RAB40B: variants seen among roughly 807,000 people sequenced by gnomAD.
RAB40B encodes ras-related protein Rab-40B.
RAB40B carries 21 observed loss-of-function variants against 24.0 expected under a neutral mutation model. The observed-to-expected ratio is 0.88, with a 90% CI of 0.62 to 1.26. RAB40B has a LOEUF of 1.26. RAB40B is among the 50% of genes most tolerant of loss of function. RAB40B has a pLI of 0.00. For missense variants in RAB40B, 348 were observed against 390.5 expected (o/e 0.89, Z 0.92); for synonymous variants, 167 against 169.8 (o/e 0.98, Z 0.13).
At chr17:82,664,892 C>T (rs905424757) in intron 1 of RAB40B, 1 of 246,296 alleles carries the variant, frequency 4.1e-6, no homozygotes, top group African/African-American at 2.3e-5. Context: ...TGGGTGTGCC[C>T]CCGTCTGGGC....
At chr17:82,661,983 A>C in intron 2 of RAB40B, 7 of 985,108 alleles carry the variant, frequency 7.1e-6, no homozygotes, top group Non-Finnish European at 8.4e-6. Flanking sequence ...TGGGACAGCC[A>C]GCGCTGTTTC....
intron 1 of RAB40B, among the ~76,000 whole-genome samples, chr17:82,683,097 C>T (rs2143532551): frequency 6.6e-6 from 1 of 152,286 alleles, no homozygotes; most frequent in South Asian, 2.1e-4. Context: ...GAGCCGAGAT[C>T]ATGCCACTGC....
At chr17:82,678,441 A>G (rs1301771814) in intron 1 of RAB40B, among the ~76,000 whole-genome samples, 1 of 152,136 alleles carries the variant, frequency 6.6e-6, no homozygotes, top group Non-Finnish European at 1.5e-5. Flanking sequence ...CAAAAAAGGG[A>G]GAAGTCAAAT....
rs777425841 is a variant in RAB40B, at chr17:82,658,685, ACCAGGATCT to A, written c.362_370del (p.Lys121_Val124delinsMet). On this transcript the variant is annotated inframe_deletion, in exon 5 of 6. Coordinates refer to ENST00000571995, the MANE Select transcript of RAB40B (RefSeq NM_006822.3). ...GAACGCCAGGTGCAGGCGGTTCCCCACCAGGATCTTGGGGACTCCGGGGGCATGCTAGCG... is the reference window on the plus strand; with the variant it reads ...GAACGCCAGGTGCAGGCGGTTCCCCATGGGGACTCCGGGGGCATGCTAGCG... The A allele has an allele frequency of 1.9e-6, 3 of 1,612,610 alleles. No individual in the cohort carries two copies. The African/African-American group carries it at 4.0e-5, about 21-fold the overall frequency.
chr17:82,694,379 C>A (rs959981546), intron 1 of RAB40B, among the ~76,000 whole-genome samples: 1 of 151,124 alleles, frequency 6.6e-6, no homozygotes, highest in Admixed American at 6.6e-5. Context: ...AATACAAAAA[C>A]AAATTGGCCC....
intron 1 of RAB40B, among the ~76,000 whole-genome samples, chr17:82,666,979 G>A (rs1210084446): frequency 1.3e-5 from 2 of 152,196 alleles, no homozygotes; most frequent in South Asian, 2.1e-4. Context: ...AAAGGGAAGC[G>A]CGCCGCTGAG....
chr17:82,674,829 T>A (rs1472304272), intron 1 of RAB40B, among the ~76,000 whole-genome samples: 2 of 151,850 alleles, frequency 1.3e-5, no homozygotes, highest in African/African-American at 4.8e-5. Flanking sequence ...AGAATGAACC[T>A]AACACAGAAG....
At chr17:82,672,535 A>G (rs890545775) in intron 1 of RAB40B, among the ~76,000 whole-genome samples, 1 of 152,246 alleles carries the variant, frequency 6.6e-6, no homozygotes, top group South Asian at 2.1e-4. Context: ...TCCAGTTTGT[A>G]TGTTGATTGG....
chr17:82,672,216 C>A (rs777402534), intron 1 of RAB40B, among the ~76,000 whole-genome samples: 14 of 82,782 alleles, frequency 1.7e-4, no homozygotes, highest in South Asian at 5.2e-4. Context: ...CACCCCACCC[C>A]TGTAACTCTA....
At chr17:82,662,440 G>GGA in intron 2 of RAB40B, 3 of 985,446 alleles carry the variant, frequency 3.0e-6, no homozygotes, top group Non-Finnish European at 3.6e-6. Flanking sequence ...CTCCTCAGCT[G>GGA]GGACAACGTG....
Position 82,657,238 on chromosome 17 carries a change from T to G in RAB40B, c.*625A>C, listed in dbSNP as rs1194152504. 5.9e-6 allele frequency: 1 copy of G among 170,846 alleles called. No individual in the cohort carries two copies. Among genetic ancestry groups the G allele is most frequent in the South Asian group, 1.3e-4 (1 of 7,498 alleles). The allele number at this position is 170,846 out of a possible 1,614,324, so 10.6% of individuals were successfully genotyped here. On this transcript the variant is annotated 3_prime_UTR_variant, in exon 6 of 6. Transcript: ENST00000571995. ...CATTTTCTTCCCTTAGCTTCATAAC[T>G]TGTAGAATATCTTGTACAAAAAACT...
intron 5 of RAB40B, 175 bp downstream of exon 5, chr17:82,658,316 C>T (rs1598291397): frequency 2.8e-6 from 3 of 1,067,544 alleles, no homozygotes; most frequent in Admixed American, 2.7e-5. Context: ...CAGGAGCTCC[C>T]TCATGAGCTT....
intron 1 of RAB40B, among the ~76,000 whole-genome samples, chr17:82,670,360 C>T (rs12451351): frequency 1 from 151,745 of 151,952 alleles, 75,770 homozygotes; most frequent in Middle Eastern, 1. Flanking sequence ...AATTTGTGTA[C>T]TTTTAGTAGA....
intron 1 of RAB40B, among the ~76,000 whole-genome samples, chr17:82,673,455 C>T (rs796376613): frequency 2.4e-4 from 2 of 8,206 alleles, no homozygotes; most frequent in African/African-American, 9.4e-4. Flanking sequence ...CCATCCTTCC[C>T]TCTCTTAAGC....
At chr17:82,658,365 T>C in intron 5 of RAB40B, 126 bp downstream of exon 5, 6 of 1,187,636 alleles carry the variant, frequency 5.1e-6, no homozygotes, top group East Asian at 2.4e-5. Flanking sequence ...TCAAATGCCT[T>C]GCTCTGAGAA....
intron 1 of RAB40B, among the ~76,000 whole-genome samples, chr17:82,682,536 T>C (rs1400533969): frequency 6.6e-6 from 1 of 152,188 alleles, no homozygotes; most frequent in Non-Finnish European, 1.5e-5. Context: ...GCAGGACTTT[T>C]CTTGGTAGAA....
intron 1 of RAB40B, among the ~76,000 whole-genome samples, chr17:82,693,066 G>A (rs2451198): frequency 0.66 from 100,343 of 151,708 alleles, 35,901 homozygotes; most frequent in East Asian, 0.85. Context: ...GCAGTGGTGC[G>A]ATCTCAGCTC....
Position 82,664,477 on chromosome 17 carries a change from G to T in RAB40B, c.203+19C>A, listed in dbSNP as rs376076189. 1.9e-6 allele frequency: 3 copies of T among 1,611,272 alleles called. No individual in the cohort carries two copies. The highest frequency in any genetic ancestry group is 2.2e-5 in the South Asian group (2 of 90,946). On this transcript the variant is annotated intron_variant, in intron 2 of 5. Transcript: ENST00000571995. Reference sequence around the variant, plus strand: ...TACTCCCTGGGGGTGCGGGACGCTCGCACCTCCTCCAGACTCACCAGAGCT... The same window carrying T: ...TACTCCCTGGGGGTGCGGGACGCTCTCACCTCCTCCAGACTCACCAGAGCT...
At chr17:82,661,397 G>A in intron 2 of RAB40B, 1 of 524,534 alleles carries the variant, frequency 1.9e-6, no homozygotes. Context: ...TACACCAGGG[G>A]AGAGAGGCCG....
Sources: allele counts gnomAD v4.1 joint callset (sites outside exome capture counted in the v4.1 genomes callset), GRCh38; gene constraint gnomAD v4.1.1; transcripts MANE v1.5; gene names NCBI Gene and HGNC (gene_info 2026-07-23, HGNC 2026-07-21).